Variants in PPP2R5D observed in about 807,000 individuals in gnomAD.
PPP2R5D encodes protein phosphatase 2 regulatory subunit B'delta.
Under a neutral mutation model 79.1 loss-of-function variants are expected in PPP2R5D, and 12 were observed. That is an observed-to-expected ratio of 0.15 (90% CI 0.10 to 0.25). The LOEUF is 0.25. Ranked by LOEUF, PPP2R5D falls within the 10% of genes least tolerant of loss-of-function variation. PPP2R5D has a pLI of 1.00. For synonymous variants in PPP2R5D, 277 were observed against 286.6 expected (o/e 0.97, Z 0.34); for missense variants, 419 against 760.2 (o/e 0.55, Z 5.28).
intron 2 of PPP2R5D, among the ~76,000 whole-genome samples, chr6:43,001,627 G>C (rs1223568913): frequency 6.6e-6 from 1 of 151,380 alleles, no homozygotes; most frequent in Non-Finnish European, 1.5e-5. Flanking sequence ...GCTCACACCT[G>C]TAATCCCAGC....
chr6:42,995,608 A>C lies in PPP2R5D; in HGVS notation c.105+5920A>C, dbSNP rs1158435346. 1.3e-5 allele frequency among the ~76,000 whole-genome samples: 2 copies of C among 150,494 alleles called. 1 individual carries two copies. The highest frequency in any genetic ancestry group is 4.9e-5 in the African/African-American group (2 of 40,848). ...CGCTCTGTCGCCCAGGCTGGAGTGCAGTGGTGTGATCTCAGCTCACTGCAA... is the reference window on the plus strand; with the variant it reads ...CGCTCTGTCGCCCAGGCTGGAGTGCCGTGGTGTGATCTCAGCTCACTGCAA... On this transcript the variant is annotated intron_variant, in intron 2 of 15. Transcript: ENST00000485511.
Position 43,011,395 on chromosome 6 carries a change from CTAG to C in PPP2R5D, c.*110_*112del. On this transcript the variant is annotated 3_prime_UTR_variant, in exon 16 of 16. Coordinates refer to ENST00000485511, the MANE Select transcript of PPP2R5D (RefSeq NM_006245.4). ...TGTCTTGGGGGAAGGCAGCGCCTCT[CTAG>C]CTACTCAAGGGAGGGGGATGTGGGC... 7.0e-7 allele frequency: 1 copy of C among 1,435,114 alleles called. No homozygotes were observed. Among genetic ancestry groups the C allele is most frequent in the East Asian group, 2.4e-5 (1 of 41,654 alleles). The allele number at this position is 1,435,114 out of a possible 1,614,324, so 88.9% of individuals were successfully genotyped here.
intron 15 of PPP2R5D, 40 bp downstream of exon 15, chr6:43,011,037 C>G (rs1454423739): frequency 1.2e-5 from 20 of 1,608,152 alleles, no homozygotes; most frequent in Non-Finnish European, 1.7e-5. Context: ...GAAATAATAG[C>G]TCTGGAAGGG....
At chr6:43,011,025 C>G in intron 15 of PPP2R5D, 28 bp downstream of exon 15, 1 of 1,608,870 alleles carries the variant, frequency 6.2e-7, no homozygotes, top group Admixed American at 1.7e-5. Flanking sequence ...GGGGATGGAG[C>G]AGAAATAATA....
At chr6:42,998,287 CT>C (rs1771935364) in intron 2 of PPP2R5D, among the ~76,000 whole-genome samples, 1 of 150,398 alleles carries the variant, frequency 6.6e-6, no homozygotes, top group Non-Finnish European at 1.5e-5. Flanking sequence ...GTTGGTCAGG[CT>C]GGTCTCAAAC....
At chr6:42,998,040 T>TATATATATATATAC (rs1561843858) in intron 2 of PPP2R5D, among the ~76,000 whole-genome samples, 11 of 29,292 alleles carry the variant, frequency 3.8e-4, no homozygotes, top group African/African-American at 9.7e-4. Flanking sequence ...TATATATATA[T>TATATATATATATAC]ATATATATAT....
rs1705921580 is a variant in PPP2R5D, at chr6:43,011,576, T to G, written c.*290T>G. On this transcript the variant is annotated 3_prime_UTR_variant, in exon 16 of 16. Coordinates refer to ENST00000485511, the MANE Select transcript of PPP2R5D (RefSeq NM_006245.4). ...TACCTGCTCCTCACCCACAGCTACC[T>G]GAGGCTGCTCTGAGAAGTACACACA... is the stretch of plus-strand genomic sequence containing the variant. The G allele has an allele frequency of 2.0e-6, 1 of 489,074 alleles. No individual in the cohort carries two copies. Among genetic ancestry groups the G allele is most frequent in the African/African-American group, 1.9e-5 (1 of 51,606 alleles). The allele number at this position is 489,074 out of a possible 1,614,324, so 30.3% of individuals were successfully genotyped here.
At chr6:42,992,808 C>G (rs1200764937) in intron 2 of PPP2R5D, among the ~76,000 whole-genome samples, 1 of 151,870 alleles carries the variant, frequency 6.6e-6, no homozygotes, top group Non-Finnish European at 1.5e-5. Context: ...GGTGACAGAA[C>G]GAGACCTTGT....
rs1332461245 is a variant in PPP2R5D, at chr6:43,006,124, T to C, written c.106-339T>C. On this transcript the variant is annotated intron_variant, in intron 2 of 15. Transcript: ENST00000485511. This position sits in a 1 kb window ranked among gnomAD's most constrained non-coding sequence, Gnocchi z 4.7. ...TATTCATCATGTGTCTTCTTAGCAA[T>C]ACCCACCCCATTTCCCCTGGCAACG... Among the ~76,000 whole-genome samples the C allele has an allele frequency of 3.9e-5, 6 of 152,202 alleles. No homozygotes were observed. The highest frequency in any genetic ancestry group is 3.9e-4 in the Admixed American group (6 of 15,286).
intron 2 of PPP2R5D, among the ~76,000 whole-genome samples, chr6:42,991,335 A>G (rs56934683): frequency 0.021 from 3,234 of 152,196 alleles, 118 homozygotes; most frequent in African/African-American, 0.073. Context: ...CTGGGAGAGG[A>G]AGGAAAATTT....
rs1366812180 is a variant in PPP2R5D, at chr6:42,986,863, C to T, written c.27+2159C>T. Among the ~76,000 whole-genome samples, 4 of 151,818 alleles carry T rather than the reference C, an allele frequency of 2.6e-5. No homozygotes were observed. The South Asian group carries it at 6.3e-4, about 24-fold the overall frequency. ...GGTTGGGAAAGGGTGTTGGAAGTAACGGGGTGCATGGAGCCAGGCATAACT... is the reference window on the plus strand; with the variant it reads ...GGTTGGGAAAGGGTGTTGGAAGTAATGGGGTGCATGGAGCCAGGCATAACT... On this transcript the variant is annotated intron_variant, in intron 1 of 15. Coordinates refer to ENST00000485511, the MANE Select transcript of PPP2R5D (RefSeq NM_006245.4).
intron 1 of PPP2R5D, among the ~76,000 whole-genome samples, chr6:42,989,274 T>C (rs998047956): frequency 1.3e-5 from 2 of 152,188 alleles, no homozygotes; most frequent in African/African-American, 4.8e-5. Flanking sequence ...TGTTCCCTGA[T>C]GCTTTTTCTT....
intron 2 of PPP2R5D, among the ~76,000 whole-genome samples, chr6:42,998,280 G>A (rs910008547): frequency 6.7e-6 from 1 of 149,666 alleles, no homozygotes; most frequent in Non-Finnish European, 1.5e-5. Flanking sequence ...TCACCATGTT[G>A]GTCAGGCTGG....
chr6:42,986,627 T>C (rs1770873994), intron 1 of PPP2R5D, among the ~76,000 whole-genome samples: 1 of 151,846 alleles, frequency 6.6e-6, no homozygotes, highest in African/African-American at 2.4e-5. Context: ...GTGGTTTGGG[T>C]AGCTCAGTCG....
chr6:43,007,039 G>A lies in PPP2R5D; in HGVS notation c.451G>A (p.Glu151Lys). ...GGAGGTGAAGCGGGCAGGACTCAAC[G>A]AGATGGTGGAGTACATCACCCATAG... ...FKEVKRAGLN[E>K]MVEYITHSRD... Residue 151 changes from glutamate (E) to lysine (K), a missense_variant, in exon 4 of 16, where the codon GAG becomes AAG. This residue lies in a region of PPP2R5D where 29 missense variants were observed against 64.2 expected (regional missense o/e 0.45). Coordinates refer to ENST00000485511, the MANE Select transcript of PPP2R5D (RefSeq NM_006245.4). The surrounding 1 kb of genome is among the most constrained non-coding windows in gnomAD (Gnocchi z 4.5). The A allele has an allele frequency of 1.2e-6, 2 of 1,614,156 alleles. No individual in the cohort carries two copies. Among genetic ancestry groups the A allele is most frequent in the Non-Finnish European group, 8.5e-7 (1 of 1,180,026 alleles).
At position 43,006,838 on chromosome 6, in the gene PPP2R5D, A is replaced by G. The variant is rs1465686067; in HGVS notation, c.323-73A>G. ...GATGGTGGCAGGGTGGGGTAAGGGA[A>G]AGCCCTTGAAGGCAAGCAGGGCATC... On this transcript the variant is annotated intron_variant, in intron 3 of 15. Transcript: ENST00000485511. The surrounding 1 kb of genome is among the most constrained non-coding windows in gnomAD (Gnocchi z 4.7). 2.5e-6 allele frequency: 4 copies of G among 1,592,214 alleles called. No homozygotes were observed. Among genetic ancestry groups the G allele is most frequent in the Non-Finnish European group, 2.6e-6 (3 of 1,164,024 alleles).
chr6:43,002,304 C>A (rs1169812576), intron 2 of PPP2R5D, among the ~76,000 whole-genome samples: 1 of 152,092 alleles, frequency 6.6e-6, no homozygotes, highest in Non-Finnish European at 1.5e-5. Context: ...GCTGAGATTA[C>A]AGGCACGTGC....
intron 1 of PPP2R5D, among the ~76,000 whole-genome samples, chr6:42,986,300 G>T (rs1252479695): frequency 2.0e-5 from 3 of 152,076 alleles, no homozygotes; most frequent in African/African-American, 7.2e-5. Context: ...GCCCTTTTTG[G>T]TGGGGGTTGG....
At position 43,009,086 on chromosome 6, in the gene PPP2R5D, C is replaced by G. The variant is rs774482592; in HGVS notation, c.1110C>G (p.Pro370=). Residue 370 remains proline (P), a synonymous_variant, in exon 11 of 16, where the codon CCC becomes CCG. Transcript: ENST00000485511. This position sits in a 1 kb window ranked among gnomAD's most constrained non-coding sequence, Gnocchi z 5.6. ...PVIVGLLKFW[P]KTHSPKEVMF... ...TTGTGGGACTTCTCAAGTTTTGGCC[C>G]AAGACCCACAGCCCCAAGGAGGTGA... 6.8e-6 allele frequency: 11 copies of G among 1,613,968 alleles called. No individual in the cohort carries two copies. The South Asian group carries it at 1.1e-4, about 16-fold the overall frequency.
Sources: gnomAD v4.1 joint callset for allele counts (sites outside exome capture counted in the v4.1 genomes callset) on GRCh38, gnomAD v4.1.1 for gene constraint, gnomAD v4.1.1 regional missense constraint, Gnocchi (gnomAD v3.1) non-coding constraint, MANE v1.5 for transcripts, NCBI Gene and HGNC (gene_info 2026-07-23, HGNC 2026-07-21) for gene names.